The following DDR2 variants were observed in gnomAD, a reference collection of about 807,000 sequenced individuals.
The protein encoded by DDR2 is discoidin domain-containing receptor 2.
In DDR2, 27 loss-of-function variants were observed where a neutral mutation model predicts 94.9. That is an observed-to-expected ratio of 0.28 (90% confidence interval 0.21 to 0.39). The LOEUF is 0.39. DDR2 is among the 10% of genes least tolerant of loss of function. The pLI is 1.00. For missense variants in DDR2, 783 were observed against 1,076.0 expected (o/e 0.73, Z 3.81); for synonymous variants, 382 against 377.2 (o/e 1.01, Z -0.15).
At chr1:162,777,257 G>A (rs984462566) in intron 16 of DDR2, among the ~76,000 whole-genome samples, 1 of 151,092 alleles carries the variant, frequency 6.6e-6, no homozygotes, top group East Asian at 1.9e-4. Context: ...TTTTTTTTCT[G>A]TGCATGCATT....
chr1:162,729,295 TA>T (rs1213970811), intron 3 of DDR2, among the ~76,000 whole-genome samples: 120 of 22,058 alleles, frequency 5.4e-3, no homozygotes, highest in East Asian at 0.024. Context: ...TATATATATA[TA>T]TATATTTTTT....
intron 2 of DDR2, among the ~76,000 whole-genome samples, chr1:162,702,432 G>C (rs1343497642): frequency 6.6e-6 from 1 of 152,090 alleles, no homozygotes; most frequent in Non-Finnish European, 1.5e-5. Context: ...ATCTCCTATT[G>C]TTGGCTCTTG....
chr1:162,776,059 T>C (rs1471385466), intron 15 of DDR2, 77 bp from the exon 16 acceptor site: 2 of 1,414,790 alleles, frequency 1.4e-6, no homozygotes, highest in African/African-American at 2.8e-5. Context: ...AGTTTGTTGA[T>C]ACCATTTTAG....
At chr1:162,730,058 C>CTAAA in intron 3 of DDR2, among the ~76,000 whole-genome samples, 1 of 64,174 alleles carries the variant, frequency 1.6e-5, no homozygotes, top group East Asian at 4.4e-4. Flanking sequence ...TTTTTTTTTG[C>CTAAA]AAAAAAAAAA....
chr1:162,632,888 G>T (rs1440732273), intron 1 of DDR2, among the ~76,000 whole-genome samples: 1 of 152,172 alleles, frequency 6.6e-6, no homozygotes, highest in African/African-American at 2.4e-5. Flanking sequence ...CAAAATAAAT[G>T]AATCTATAGC....
chr1:162,758,502 T>C, intron 7 of DDR2, among the ~76,000 whole-genome samples: 1 of 152,178 alleles, frequency 6.6e-6, no homozygotes, highest in East Asian at 1.9e-4. Context: ...TTCATAAAAC[T>C]TTCCTGGGAT....
chr1:162,656,627 G>C (rs961070719), intron 2 of DDR2, among the ~76,000 whole-genome samples: 6 of 150,628 alleles, frequency 4.0e-5, no homozygotes, highest in African/African-American at 1.5e-4. Context: ...TAGACTCTTG[G>C]TATGGGGGAG....
intron 2 of DDR2, among the ~76,000 whole-genome samples, chr1:162,677,892 C>A (rs1368599446): frequency 6.6e-6 from 1 of 152,210 alleles, no homozygotes; most frequent in Non-Finnish European, 1.5e-5. Context: ...CTGCCTCTCC[C>A]ATTTTATATT....
chr1:162,660,591 G>T (rs1216530543), intron 2 of DDR2, among the ~76,000 whole-genome samples: 1 of 152,140 alleles, frequency 6.6e-6, no homozygotes, highest in Admixed American at 6.5e-5. Flanking sequence ...TTAAATGCAG[G>T]TTCTGACACT....
chr1:162,741,262 T>TATA (rs1662596456), intron 3 of DDR2, among the ~76,000 whole-genome samples: 7 of 120,228 alleles, frequency 5.8e-5, no homozygotes, highest in South Asian at 2.6e-4. Context: ...TGTAATGTAA[T>TATA]GTAATATAAT....
chr1:162,759,271 T>C (rs1663603952), intron 7 of DDR2, among the ~76,000 whole-genome samples: 1 of 152,192 alleles, frequency 6.6e-6, no homozygotes, highest in African/African-American at 2.4e-5. Context: ...CTGGATTCTC[T>C]GAAATTGATT....
At chr1:162,716,642 T>G (rs1338549637) in intron 2 of DDR2, among the ~76,000 whole-genome samples, 2 of 152,134 alleles carry the variant, frequency 1.3e-5, no homozygotes. Context: ...TGGGGCCATT[T>G]AAATCTTCCG....
At chr1:162,729,280 TTATATATATA>T (rs1194740607) in intron 3 of DDR2, among the ~76,000 whole-genome samples, 3 of 69,760 alleles carry the variant, frequency 4.3e-5, no homozygotes, top group Non-Finnish European at 2.8e-5. Flanking sequence ...GCATATCCAT[TTATATATATA>T]TATATATATA....
chr1:162,669,010 A>C (rs1412826265), intron 2 of DDR2, among the ~76,000 whole-genome samples: 1 of 152,234 alleles, frequency 6.6e-6, no homozygotes, highest in African/African-American at 2.4e-5. Context: ...CATGATTTAA[A>C]TACCTAAGAA....
At chr1:162,759,042 T>C (rs759995355) in intron 7 of DDR2, among the ~76,000 whole-genome samples, 19 of 152,168 alleles carry the variant, frequency 1.2e-4, no homozygotes, top group Non-Finnish European at 2.6e-4. Flanking sequence ...ACAGAGCCTC[T>C]TACTCAGAAG....
intron 8 of DDR2, 76 bp downstream of exon 8, chr1:162,760,055 A>G: frequency 1.2e-6 from 2 of 1,600,308 alleles, no homozygotes; most frequent in South Asian, 1.1e-5. Context: ...GGCATGCTAG[A>G]AAAAAGTCTA....
chr1:162,670,385 C>T (rs534924141), intron 2 of DDR2, among the ~76,000 whole-genome samples: 21 of 152,334 alleles, frequency 1.4e-4, no homozygotes, highest in African/African-American at 4.6e-4. Flanking sequence ...GGATTACAGG[C>T]GTGAGCCATT....
chr1:162,680,973 G>A (rs72709727), intron 2 of DDR2, among the ~76,000 whole-genome samples: 25,033 of 152,110 alleles, frequency 0.16, 2,812 homozygotes, highest in African/African-American at 0.28. Flanking sequence ...TGTGTCCATA[G>A]AGACGTGAAC....
intron 2 of DDR2, among the ~76,000 whole-genome samples, chr1:162,673,982 C>T (rs79631551): frequency 0.038 from 5,836 of 152,060 alleles, 373 homozygotes; most frequent in African/African-American, 0.13. Context: ...CCTTAAAGGC[C>T]GTTTATATGC....
Sources: allele counts gnomAD v4.1 joint callset (sites outside exome capture counted in the v4.1 genomes callset), GRCh38; gene constraint gnomAD v4.1.1; transcripts MANE v1.5; gene names NCBI Gene and HGNC (gene_info 2026-07-23, HGNC 2026-07-21).